The following NTM variants were observed in gnomAD, a reference collection of about 807,000 sequenced individuals.
NTM encodes neurotrimin, also known as IgLON family member 2.
NTM carries 13 observed loss-of-function variants against 42.1 expected under a neutral mutation model. The observed-to-expected ratio is 0.31, with a 90% CI of 0.20 to 0.49. The LOEUF (loss-of-function observed/expected upper bound fraction) is 0.49, where lower values mean the gene tolerates loss of function less well. Ranked by LOEUF, NTM falls within the 20% of genes least tolerant of loss-of-function variation. The pLI, the probability that NTM is intolerant of heterozygous loss-of-function variation, is 0.99. For synonymous variants in NTM, 187 were observed against 179.2 expected, an observed-to-expected ratio of 1.04 and a Z score of -0.35; for missense variants, 373 against 452.8, an observed-to-expected ratio of 0.82 and a Z score of 1.60.
chr11:131,965,600 G>A (rs2062737705), intron 2 of NTM, among the ~76,000 whole-genome samples: 2 of 152,194 alleles, frequency 1.3e-5, no homozygotes, highest in African/African-American at 4.8e-5. Flanking sequence ...TGCTAATGAT[G>A]AAGAATAGAA....
rs935914377 is a variant in NTM at position 131,380,627 on chromosome 11, C to T, written c.82+9739C>T. On this transcript the variant is annotated intron_variant, in intron 1 of 8. Coordinates refer to ENST00000683400, the MANE Select transcript of NTM (RefSeq NM_001352005.2). ...TACATGTCTATCTCCCCTTCCCAGG[C>T]TGTGGGCTCCAGAAGGGCCAGGACA... Among the ~76,000 whole-genome samples, 9 of 152,152 alleles carry T rather than the reference C, an allele frequency of 5.9e-5. No homozygotes were observed. In the South Asian group the frequency reaches 6.2e-4, roughly 11 times the overall value.
At chr11:132,164,462 CA>C (rs2074940133) in intron 3 of NTM, among the ~76,000 whole-genome samples, 2 of 152,104 alleles carry the variant, frequency 1.3e-5, no homozygotes. Context: ...TTTGCGTTTT[CA>C]AAAGTAGCAC....
At chr11:131,880,448 C>T (rs552139447) in intron 1 of NTM, among the ~76,000 whole-genome samples, 1 of 152,318 alleles carries the variant, frequency 6.6e-6, no homozygotes, top group East Asian at 1.9e-4. Flanking sequence ...ATTTGCTCAG[C>T]AGGTGCTAGG....
At chr11:132,030,266 T>G (rs887806399) in intron 2 of NTM, among the ~76,000 whole-genome samples, 1 of 152,100 alleles carries the variant, frequency 6.6e-6, no homozygotes, top group African/African-American at 2.4e-5. Context: ...AAAATTAAAT[T>G]TATTAATTAC....
intron 4 of NTM, among the ~76,000 whole-genome samples, chr11:132,283,133 C>T (rs561252009): frequency 4.6e-5 from 7 of 151,748 alleles, no homozygotes; most frequent in African/African-American, 9.7e-5. Flanking sequence ...ACTACAGGCA[C>T]GTGCCACCAT....
intron 1 of NTM, among the ~76,000 whole-genome samples, chr11:131,628,818 G>A (rs2063372784): frequency 1.3e-5 from 2 of 152,244 alleles, no homozygotes; most frequent in African/African-American, 2.4e-5. Flanking sequence ...AGACCGAAAG[G>A]GGGCCCTGAG....
intron 1 of NTM, among the ~76,000 whole-genome samples, chr11:131,768,663 G>T (rs1230575477): frequency 6.6e-6 from 1 of 152,152 alleles, no homozygotes; most frequent in Admixed American, 6.5e-5. Context: ...ATCATTAATG[G>T]CTATCTGGCC....
chr11:131,571,828 A>T (rs951027368), intron 1 of NTM, among the ~76,000 whole-genome samples: 25 of 152,252 alleles, frequency 1.6e-4, no homozygotes, highest in African/African-American at 5.3e-4. Flanking sequence ...GAACTAGGTC[A>T]CAAGTGTGCC....
chr11:131,578,348 C>T (rs148750839), intron 1 of NTM, among the ~76,000 whole-genome samples: 7 of 152,190 alleles, frequency 4.6e-5, no homozygotes, highest in African/African-American at 9.6e-5. Context: ...ATCTATCTAA[C>T]GGCAGGAAGT....
intron 2 of NTM, among the ~76,000 whole-genome samples, chr11:131,989,428 G>A (rs1163272830): frequency 6.6e-6 from 1 of 152,122 alleles, no homozygotes; most frequent in Non-Finnish European, 1.5e-5. Flanking sequence ...TGCGGTAATA[G>A]TTATACATGG....
intron 3 of NTM, among the ~76,000 whole-genome samples, chr11:132,149,477 A>G (rs1591830235): frequency 6.6e-6 from 1 of 152,346 alleles, no homozygotes; most frequent in South Asian, 2.1e-4. Flanking sequence ...GAGTATGTGT[A>G]TTTATGTATA....
chr11:131,672,332 C>T (rs75617608), intron 1 of NTM, among the ~76,000 whole-genome samples: 4,202 of 152,312 alleles, frequency 0.028, 211 homozygotes, highest in African/African-American at 0.093. Flanking sequence ...AAGGCAGAGG[C>T]GGCGACTTGA....
intron 3 of NTM, among the ~76,000 whole-genome samples, chr11:132,154,532 C>G (rs2072726937): frequency 6.6e-6 from 1 of 152,150 alleles, no homozygotes; most frequent in Admixed American, 6.5e-5. Flanking sequence ...AGGTGCATCT[C>G]TTTGTGTCTT....
chr11:131,605,125 G>A (rs1247662062), intron 1 of NTM, among the ~76,000 whole-genome samples: 17 of 149,978 alleles, frequency 1.1e-4, no homozygotes, highest in Admixed American at 2.7e-4. Flanking sequence ...ATTTAGATAA[G>A]GATCATGGTG....
chr11:131,706,770 T>A lies in NTM; in HGVS notation c.83-204794T>A, dbSNP rs559085635. On this transcript the variant is annotated intron_variant, in intron 1 of 8. Coordinates refer to ENST00000683400, the MANE Select transcript of NTM (RefSeq NM_001352005.2). ...GGAAGAAATAAAAGGGAAAATTTTT[T>A]AAAATCTTAAAACAAACAAACATGA... 2.0e-5 allele frequency among the ~76,000 whole-genome samples: 3 copies of A among 152,168 alleles called. No homozygotes were observed. In the East Asian group the frequency reaches 5.8e-4, roughly 29 times the overall value.
intron 1 of NTM, among the ~76,000 whole-genome samples, chr11:131,727,583 G>T (rs1345137189): frequency 6.6e-6 from 1 of 152,140 alleles, no homozygotes; most frequent in Admixed American, 6.6e-5. Context: ...CCCATTTAAG[G>T]TTTTTGTTCA....
At chr11:131,827,890 C>A (rs1565602272) in intron 1 of NTM, among the ~76,000 whole-genome samples, 1 of 152,144 alleles carries the variant, frequency 6.6e-6, no homozygotes, top group Non-Finnish European at 1.5e-5. Flanking sequence ...GGTACTAATA[C>A]CCTCCAGGTC....
At chr11:132,084,301 A>G (rs1251854931) in intron 2 of NTM, among the ~76,000 whole-genome samples, 1 of 152,180 alleles carries the variant, frequency 6.6e-6, no homozygotes. Flanking sequence ...TGTGGTTTAT[A>G]ATACTTAACA....
At chr11:132,153,821 A>G (rs1205381112) in intron 3 of NTM, among the ~76,000 whole-genome samples, 3 of 152,236 alleles carry the variant, frequency 2.0e-5, no homozygotes, top group Non-Finnish European at 4.4e-5. Context: ...GGAGACCACT[A>G]TACTAACAAA....
Sources: gnomAD v4.1 joint callset for allele counts (sites outside exome capture counted in the v4.1 genomes callset) on GRCh38, gnomAD v4.1.1 for gene constraint, MANE v1.5 for transcripts, NCBI Gene and HGNC (gene_info 2026-07-23, HGNC 2026-07-21) for gene names.